The following DDX52 variants were observed in gnomAD, a reference collection of about 807,000 sequenced individuals.
DDX52 encodes probable ATP-dependent RNA helicase DDX52.
A neutral mutation model predicts 76.1 loss-of-function variants in DDX52; 59 were observed. The ratio of observed to expected loss-of-function variants is 0.78; its 90% confidence interval spans 0.63 to 0.96. The LOEUF (loss-of-function observed/expected upper bound fraction) is 0.96, where lower values mean the gene tolerates loss of function less well. Ranked by LOEUF, DDX52 falls within the 40% of genes least tolerant of loss-of-function variation. The pLI is 0.00. For synonymous variants in DDX52, 231 were observed against 244.1 expected (o/e 0.95, Z 0.50); for missense variants, 707 against 703.9 (o/e 1.00, Z -0.05).
intron 14 of DDX52, among the ~76,000 whole-genome samples, chr17:37,616,735 T>C (rs1054919480): frequency 5.3e-5 from 8 of 151,850 alleles, no homozygotes; most frequent in East Asian, 2.0e-4. Flanking sequence ...TTTGTACTTA[T>C]TGATTGATTG....
At chr17:37,629,134 T>A (rs113063899) in intron 5 of DDX52, among the ~76,000 whole-genome samples, 23,844 of 151,254 alleles carry the variant, frequency 0.16, 2,072 homozygotes, top group Middle Eastern at 0.27. Context: ...GGCAGGAGAA[T>A]CACTTGAACC....
intron 4 of DDX52, among the ~76,000 whole-genome samples, chr17:37,630,386 T>A (rs2030619211): frequency 6.6e-6 from 1 of 152,216 alleles, no homozygotes; most frequent in Admixed American, 6.5e-5. Flanking sequence ...TCCCTTTGAA[T>A]GAGTGTAAAG....
intron 4 of DDX52, among the ~76,000 whole-genome samples, chr17:37,630,485 A>T (rs2030623952): frequency 6.6e-6 from 1 of 152,196 alleles, no homozygotes; most frequent in African/African-American, 2.4e-5. Context: ...TATTGTCAAA[A>T]TAAAATTATA....
intron 4 of DDX52, chr17:37,630,832 G>T (rs7219057): frequency 6.6e-6 from 1 of 152,042 alleles, no homozygotes; most frequent in East Asian, 1.9e-4. Flanking sequence ...AGTAGAGACA[G>T]GGTTTCACCA....
At chr17:37,614,645 G>A (rs147546857) in intron 14 of DDX52, among the ~76,000 whole-genome samples, 2 of 152,270 alleles carry the variant, frequency 1.3e-5, no homozygotes, top group African/African-American at 4.8e-5. Flanking sequence ...TGCTAGAAAC[G>A]GTTACTAAGT....
intron 6 of DDX52, 71 bp from the exon 7 acceptor site, chr17:37,626,931 C>T (rs1182238670): frequency 1.0e-5 from 13 of 1,271,952 alleles, no homozygotes; most frequent in African/African-American, 1.5e-5. Flanking sequence ...ATTAAGCCTC[C>T]TCAACTTCAG....
intron 9 of DDX52, among the ~76,000 whole-genome samples, chr17:37,623,616 G>A (rs141548956): frequency 5.9e-4 from 89 of 151,860 alleles, no homozygotes; most frequent in Non-Finnish European, 8.5e-4. Context: ...TCCCCCAGCC[G>A]TCAATGCTCT....
At chr17:37,614,392 C>A (rs750089291) in intron 14 of DDX52, 39 bp from the exon 15 acceptor site, 5 of 1,589,656 alleles carry the variant, frequency 3.1e-6, no homozygotes, top group South Asian at 1.1e-5. Flanking sequence ...ATAAAAAATT[C>A]TACGTATATT....
intron 3 of DDX52, 85 bp from the exon 4 acceptor site, chr17:37,632,383 G>T: frequency 6.7e-7 from 1 of 1,489,798 alleles, no homozygotes; most frequent in Non-Finnish European, 9.3e-7. Context: ...AACAGTTTCT[G>T]GGATAACCTT....
intron 2 of DDX52, among the ~76,000 whole-genome samples, chr17:37,635,899 T>C (rs1174189525): frequency 1.3e-5 from 2 of 152,244 alleles, no homozygotes; most frequent in African/African-American, 4.8e-5. Context: ...CTAATGGGTA[T>C]GTAGTAGTAC....
intron 9 of DDX52, among the ~76,000 whole-genome samples, chr17:37,623,264 A>G (rs2030194365): frequency 1.3e-5 from 2 of 152,170 alleles, no homozygotes; most frequent in African/African-American, 4.8e-5. Flanking sequence ...CTTAAAAATT[A>G]TGTAGTCACA....
At chr17:37,630,284 G>C in intron 4 of DDX52, 111 bp from the exon 5 acceptor site, 1 of 1,156,708 alleles carries the variant, frequency 8.6e-7, no homozygotes, top group Non-Finnish European at 1.2e-6. Flanking sequence ...TTTACATAAT[G>C]AATCTAATCT....
In DDX52 at chr17:37,625,921, A is replaced by G; in HGVS notation, c.1110T>C (p.Asn370=). 6.2e-7 allele frequency: 1 copy of G among 1,614,104 alleles called. No homozygotes were observed. The highest frequency in any genetic ancestry group is 8.5e-7 in the Non-Finnish European group (1 of 1,179,978). ...TTGCTCCAATGGACACACTGATGAC[A>G]TTGTCCAGGTTGAGTTTGCACCACT... ...VEQWCKLNLD[N]VISVSIGARN... Residue 370 remains asparagine (N), a synonymous_variant, in exon 8 of 15, where the codon AAT becomes AAC. Transcript: ENST00000617633.
Position 37,610,435 on chromosome 17 carries a change from T to C in DDX52, c.*3861A>G, listed in dbSNP as rs568438614. ...GCCACATGCCTGGGCTGTGATTTTT[T>C]TTTTTCTTTTAATCAAACTACTGTC... On this transcript the variant is annotated 3_prime_UTR_variant, in exon 15 of 15. Coordinates refer to ENST00000617633, the MANE Select transcript of DDX52 (RefSeq NM_007010.5). 6.6e-6 allele frequency: 1 copy of C among 152,188 alleles called. No individual in the cohort carries two copies. Among genetic ancestry groups the C allele is most frequent in the South Asian group, 2.1e-4 (1 of 4,822 alleles). The allele number at this position is 152,188 out of a possible 1,614,324, so 9.4% of individuals were successfully genotyped here.
chr17:37,619,670 C>T (rs1263612888), intron 13 of DDX52, 98 bp downstream of exon 13: 12 of 1,037,154 alleles, frequency 1.2e-5, no homozygotes, highest in Non-Finnish European at 1.7e-5. Flanking sequence ...TGTGATCATG[C>T]CACTGCACTG....
chr17:37,624,527 A>C lies in DDX52; in HGVS notation c.1137-93T>G, dbSNP rs547208776. The C allele has an allele frequency of 4.6e-6, 4 of 862,972 alleles. No homozygotes were observed. The Admixed American group carries it at 8.8e-5, about 19-fold the overall frequency. 53.5% of individuals were successfully genotyped at this position (862,972 alleles called of 1,614,324 possible). A position where few individuals can be genotyped will look rare whatever the true frequency, so the allele number is the denominator to read the frequency against. ...AATGAAAAAATTTACACACAACTCC[A>C]ACAAAATCAATTTTTCCACTGTCAA... On this transcript the variant is annotated intron_variant, in intron 8 of 14. Transcript: ENST00000617633.
chr17:37,618,148 G>T, intron 14 of DDX52, 144 bp downstream of exon 14: 1 of 627,494 alleles, frequency 1.6e-6, no homozygotes, highest in Non-Finnish European at 2.6e-6. Context: ...CCAATTATAG[G>T]CAACCTAAAA....
chr17:37,636,547 G>A (rs2030936857), intron 2 of DDX52, among the ~76,000 whole-genome samples: 1 of 152,150 alleles, frequency 6.6e-6, no homozygotes, highest in African/African-American at 2.4e-5. Flanking sequence ...CAATACGGGT[G>A]AACTAGATCT....
Position 37,610,705 on chromosome 17 carries a change from T to TA in DDX52, c.*3590dup, listed in dbSNP as rs2064324421. ...TGAGAAAATCAAGGTTAGAAACAGTTACTGTCATTTGTCCAGATCATACAG... is the reference window on the plus strand; with the variant it reads ...TGAGAAAATCAAGGTTAGAAACAGTTAACTGTCATTTGTCCAGATCATACAG... On this transcript the variant is annotated 3_prime_UTR_variant, in exon 15 of 15. Coordinates refer to ENST00000617633, the MANE Select transcript of DDX52 (RefSeq NM_007010.5). The TA allele has an allele frequency of 6.6e-6, 1 of 152,222 alleles. No individual in the cohort carries two copies. Among genetic ancestry groups the TA allele is most frequent in the Admixed American group, 6.5e-5 (1 of 15,288 alleles). 9.4% of individuals were successfully genotyped at this position (152,222 alleles called of 1,614,324 possible).
Sources: gnomAD v4.1 joint callset for allele counts (sites outside exome capture counted in the v4.1 genomes callset) on GRCh38, gnomAD v4.1.1 for gene constraint, MANE v1.5 for transcripts, NCBI Gene and HGNC (gene_info 2026-07-23, HGNC 2026-07-21) for gene names.